GSN: variants seen among roughly 807,000 people sequenced by gnomAD.
The protein encoded by GSN is gelsolin, also known as actin-depolymerizing factor.
In GSN, 56 loss-of-function variants were observed where a neutral mutation model predicts 85.7. The ratio of observed to expected loss-of-function variants is 0.65; its 90% CI spans 0.53 to 0.82. GSN has a LOEUF of 0.82. Ranked by LOEUF, GSN falls within the 40% of genes least tolerant of loss-of-function variation. The probability of loss-of-function intolerance (pLI) is 0.00; values close to 1 mark genes in which losing one functional copy is unlikely to be tolerated. For synonymous variants in GSN, 373 were observed against 399.1 expected, an observed-to-expected ratio of 0.93 and a Z score of 0.78; for missense variants, 857 against 979.8, an observed-to-expected ratio of 0.87 and a Z score of 1.67.
At chr9:121,226,859 G>C (rs1416071947) in intron 4 of GSN, among the ~76,000 whole-genome samples, 1 of 152,228 alleles carries the variant, frequency 6.6e-6, no homozygotes, top group Non-Finnish European at 1.5e-5. Context: ...ATTCTCTAAA[G>C]AGGGAGAAGG....
chr9:121,206,210 A>T (rs1429646747), upstream of GSN, among the ~76,000 whole-genome samples: 1 of 152,250 alleles, frequency 6.6e-6, no homozygotes, highest in Non-Finnish European at 1.5e-5. Context: ...GTGATACATA[A>T]TTTAATTAAA....
chr9:121,318,579 C>A lies in GSN; in HGVS notation c.975+85C>A. On this transcript the variant is annotated intron_variant, in intron 9 of 17. Coordinates refer to ENST00000432226, the MANE Select transcript of GSN (RefSeq NM_198252.3). The surrounding 1 kb of genome is among the most constrained non-coding windows in gnomAD (Gnocchi z 4.3). ...TGGAGTAGGGCGGGTGTCCCACCCT[C>A]AGTGTGGATGGGGTATCTGAGGCTC... is the stretch of plus-strand genomic sequence containing the variant. The A allele has an allele frequency of 9.0e-6, 13 of 1,448,072 alleles. No homozygotes were observed. Among genetic ancestry groups the A allele is most frequent in the Non-Finnish European group, 1.3e-5 (13 of 1,028,886 alleles). 89.7% of individuals were successfully genotyped at this position (1,448,072 alleles called of 1,614,324 possible). A position where few individuals can be genotyped will look rare whatever the true frequency, so the allele number is the denominator to read the frequency against.
At position 121,221,506 on chromosome 9, in the gene GSN, G is replaced by A. The variant is rs79302204; in HGVS notation, c.-527-9659G>A. ...GTTCTAGCGTGCCATGTTTCTCTGG[G>A]ACATGTTTCTCTCCTTGGCTTGGCA... On this transcript the variant is annotated intron_variant, in intron 4 of 24. Coordinates refer to the GSN transcript ENST00000373823. Among the ~76,000 whole-genome samples the A allele has an allele frequency of 1.3e-3, 197 of 152,262 alleles. 6 individuals carry two copies. In the East Asian group the frequency reaches 0.036, roughly 28 times the overall value.
intron 4 of GSN, among the ~76,000 whole-genome samples, chr9:121,212,419 C>A (rs147271911): frequency 2.9e-4 from 44 of 152,222 alleles, no homozygotes; most frequent in Admixed American, 5.9e-4. Flanking sequence ...TCCCACTTCA[C>A]CGTAGCCCTC....
At chr9:121,327,251 G>A in intron 13 of GSN, 57 bp from the exon 14 acceptor site, 1 of 1,412,820 alleles carries the variant, frequency 7.1e-7, no homozygotes, top group Non-Finnish European at 1.0e-6. Flanking sequence ...TGGGCTGTGA[G>A]GAGGGGGCTG....
chr9:121,315,532 G>A (rs2061616217), intron 7 of GSN, among the ~76,000 whole-genome samples: 2 of 152,250 alleles, frequency 1.3e-5, no homozygotes, highest in South Asian at 4.1e-4. Context: ...GAGAGGCCGA[G>A]GTAGGCGGAT....
intron 1 of GSN, among the ~76,000 whole-genome samples, chr9:121,271,257 G>A (rs537058251): frequency 2.6e-5 from 4 of 152,170 alleles, no homozygotes; most frequent in Admixed American, 1.3e-4. Flanking sequence ...GGGAGGCTGA[G>A]GTATGAGAAT....
chr9:121,238,035 G>A (rs1411168499), intron 5 of GSN: 1 of 152,276 alleles, frequency 6.6e-6, no homozygotes, highest in Non-Finnish European at 1.5e-5. Flanking sequence ...ACACAAAGAT[G>A]AGGCTAGGGG....
chr9:121,297,687 ACAAT>A (rs1261415162), intron 2 of GSN: 1 of 152,236 alleles, frequency 6.6e-6, no homozygotes, highest in Non-Finnish European at 1.5e-5. Context: ...TATGCCAGGC[ACAAT>A]CAGACGTAGC....
intron 1 of GSN, among the ~76,000 whole-genome samples, chr9:121,270,204 C>T (rs1213886119): frequency 6.8e-6 from 1 of 147,072 alleles, no homozygotes; most frequent in Non-Finnish European, 1.5e-5. Flanking sequence ...GGGAGAAGGG[C>T]GGGGTGGTGG....
chr9:121,287,847 T>C (rs1170808878), intron 2 of GSN, among the ~76,000 whole-genome samples: 1 of 152,144 alleles, frequency 6.6e-6, no homozygotes, highest in Non-Finnish European at 1.5e-5. Flanking sequence ...GTTGAGAAGA[T>C]TTTCATCATC....
chr9:121,302,506 C>T (rs902337184), intron 3 of GSN, among the ~76,000 whole-genome samples: 7 of 152,158 alleles, frequency 4.6e-5, no homozygotes, highest in African/African-American at 1.7e-4. Flanking sequence ...GACCTCTCCA[C>T]AACTTCCCTG....
At chr9:121,213,975 G>A (rs551021845) in intron 4 of GSN, among the ~76,000 whole-genome samples, 2 of 152,312 alleles carry the variant, frequency 1.3e-5, no homozygotes, top group East Asian at 1.9e-4. Flanking sequence ...ACAGACTGCT[G>A]TATCCCTCAT....
rs556685378 is a variant in GSN, at chr9:121,282,760, A to G, written c.-10+1198A>G. 72 of 406,802 alleles carry G rather than the reference A, an allele frequency of 1.8e-4. No individual in the cohort carries two copies. In the East Asian group the frequency reaches 2.2e-3, roughly 12 times the overall value. 25.2% of individuals were successfully genotyped at this position (406,802 alleles called of 1,614,324 possible). A position where few individuals can be genotyped will look rare whatever the true frequency, so the allele number is the denominator to read the frequency against. On this transcript the variant is annotated intron_variant, in intron 2 of 17. Coordinates refer to ENST00000432226, the MANE Select transcript of GSN (RefSeq NM_198252.3). The stretch of plus-strand genomic sequence containing the variant: ...CATCTGCCTTTGAGACTGAGCCCTG[A>G]TAACTCCAAAAGCCAAGTTGCCTCA...
the GSN span, chr9:121,201,600 G>A: frequency 6.6e-6 from 1 of 152,348 alleles, no homozygotes; most frequent in Non-Finnish European, 1.5e-5. Flanking sequence ...GGCGCGAGGA[G>A]GTATCAGCCG....
intron 17 of GSN, chr9:121,331,891 A>G: frequency 5.2e-6 from 1 of 192,032 alleles, no homozygotes; most frequent in Non-Finnish European, 1.1e-5. Context: ...TCATCTCTAG[A>G]AAAAATACAA....
intron 14 of GSN, among the ~76,000 whole-genome samples, chr9:121,328,060 G>GC (rs146208275): frequency 0.097 from 14,793 of 152,322 alleles, 873 homozygotes; most frequent in Non-Finnish European, 0.13. Flanking sequence ...TCGCTAGGAA[G>GC]CCTTGAAAGG....
At chr9:121,257,925 A>T (rs775617061) in intron 6 of GSN, among the ~76,000 whole-genome samples, 1 of 152,364 alleles carries the variant, frequency 6.6e-6, no homozygotes, top group South Asian at 2.1e-4. Context: ...AGGAGGTTAA[A>T]TGACTTGTTC....
Position 121,329,138 on chromosome 9 carries a change from C to T in GSN, c.1888-100C>T. On this transcript the variant is annotated intron_variant, in intron 15 of 17. Transcript: ENST00000432226. The surrounding 1 kb of genome is among the most constrained non-coding windows in gnomAD (Gnocchi z 4.6). ...GTGGCACAGAGGAAGGGGCCCCCTG[C>T]CAGCTGCAGCCAGCTGTGCCACTCC... 1.4e-6 allele frequency: 2 copies of T among 1,466,114 alleles called. No individual in the cohort carries two copies. Among genetic ancestry groups the T allele is most frequent in the Non-Finnish European group, 9.5e-7 (1 of 1,052,158 alleles). The allele number at this position is 1,466,114 out of a possible 1,614,324, so 90.8% of individuals were successfully genotyped here. A position where few individuals can be genotyped will look rare whatever the true frequency, so the allele number is the denominator to read the frequency against.
Sources: allele counts gnomAD v4.1 joint callset (sites outside exome capture counted in the v4.1 genomes callset), GRCh38; gene constraint gnomAD v4.1.1; non-coding constraint Gnocchi (gnomAD v3.1); transcripts MANE v1.5; gene names NCBI Gene and HGNC (gene_info 2026-07-23, HGNC 2026-07-21).